The following XDH variants were observed in gnomAD, a reference collection of about 807,000 sequenced individuals.
XDH encodes xanthine dehydrogenase/oxidase.
Under a neutral mutation model 156.1 loss-of-function variants are expected in XDH, and 138 were observed. The observed-to-expected ratio is 0.88, with a 90% CI of 0.77 to 1.02. The LOEUF is 1.02. Among genes scored for constraint, XDH ranks in the 50% least tolerant of loss-of-function variants. The probability of loss-of-function intolerance (pLI) is 0.00; values close to 1 mark genes in which losing one functional copy is unlikely to be tolerated. For missense variants in XDH, 1,849 were observed against 1,684.9 expected (o/e 1.10, Z -1.71); for synonymous variants, 669 against 625.7 (o/e 1.07, Z -1.03).
rs376148012 is a variant in XDH at position 31,372,347 on chromosome 2, G to A, written c.1737C>T (p.Pro579=). 2 of 1,614,172 alleles carry A rather than the reference G, an allele frequency of 1.2e-6. No individual in the cohort carries two copies. The highest frequency in any genetic ancestry group is 8.5e-7 in the Non-Finnish European group (1 of 1,180,038). ...SEEDMVGRPL[P]HLAADMQASG... Reference sequence around the variant, plus strand: ...AGGCCTGCATGTCCGCTGCCAGGTGGGGCAGGGGCCGGCCCACCATGTCCT... The same window carrying A: ...AGGCCTGCATGTCCGCTGCCAGGTGAGGCAGGGGCCGGCCCACCATGTCCT... Residue 579 remains proline, a synonymous_variant, in exon 17 of 36, where the codon CCC becomes CCT. Coordinates refer to ENST00000379416, the MANE Select transcript of XDH (RefSeq NM_000379.4).
chr2:31,398,223 T>C (rs1686961858), intron 5 of XDH, among the ~76,000 whole-genome samples: 1 of 152,134 alleles, frequency 6.6e-6, no homozygotes. Flanking sequence ...TGGTGAAAAC[T>C]GAGAGGGAAG....
rs192906442 is a variant in XDH, at chr2:31,373,979, G to C, written c.1603-23C>G. The C allele has an allele frequency of 3.7e-6, 6 of 1,607,332 alleles. No homozygotes were observed. The Admixed American group carries it at 1.0e-4, about 27-fold the overall frequency. ...CTTCTGTGGAGACAAGAAAACAGAG[G>C]TGACCAGGATTATATTTCAATCACT... is the stretch of plus-strand genomic sequence containing the variant. On this transcript the variant is annotated intron_variant, in intron 15 of 35. Coordinates refer to ENST00000379416, the MANE Select transcript of XDH (RefSeq NM_000379.4).
chr2:31,352,449 A>C (rs11124259), intron 24 of XDH, among the ~76,000 whole-genome samples: 89,388 of 152,036 alleles, frequency 0.59, 28,423 homozygotes, highest in East Asian at 0.78. Flanking sequence ...AGTCTTACTC[A>C]TCCTAAATGA....
intron 1 of XDH, among the ~76,000 whole-genome samples, chr2:31,414,048 C>A (rs1297505638): frequency 6.6e-6 from 1 of 151,794 alleles, no homozygotes; most frequent in African/African-American, 2.4e-5. Context: ...GGGGGGAATG[C>A]AGGAGATGCC....
At chr2:31,355,928 A>C (rs964455204) in intron 24 of XDH, among the ~76,000 whole-genome samples, 1 of 152,214 alleles carries the variant, frequency 6.6e-6, no homozygotes, top group African/African-American at 2.4e-5. Context: ...GGATGGAAAA[A>C]GATATAACAT....
At chr2:31,353,093 A>G (rs770554658) in intron 24 of XDH, among the ~76,000 whole-genome samples, 3 of 152,066 alleles carry the variant, frequency 2.0e-5, no homozygotes, top group Non-Finnish European at 2.9e-5. Flanking sequence ...TTAAGATTTA[A>G]AAAACTGTAA....
intron 18 of XDH, among the ~76,000 whole-genome samples, chr2:31,369,385 G>A (rs1241889761): frequency 6.6e-6 from 1 of 152,134 alleles, no homozygotes; most frequent in African/African-American, 2.4e-5. Context: ...TTTCATAAAA[G>A]CTTAATGGAT....
At chr2:31,374,544 A>G (rs11894627) in intron 15 of XDH, among the ~76,000 whole-genome samples, 78,700 of 152,070 alleles carry the variant, frequency 0.52, 21,758 homozygotes, top group African/African-American at 0.72. Context: ...CAGGAAAAAA[A>G]ATCAGAGGAA....
intron 5 of XDH, 84 bp downstream of exon 5, chr2:31,398,489 T>C (rs1397171144): frequency 3.1e-6 from 5 of 1,605,448 alleles, no homozygotes; most frequent in Non-Finnish European, 4.3e-6. Flanking sequence ...TAGTCCCTCA[T>C]GCTTCTCACC....
chr2:31,374,724 A>G (rs770661920), intron 15 of XDH, among the ~76,000 whole-genome samples: 1 of 152,100 alleles, frequency 6.6e-6, no homozygotes, highest in Non-Finnish European at 1.5e-5. Context: ...TCCACACTCC[A>G]TCTCTGCAGT....
At chr2:31,363,848 AT>A (rs1685839919) in intron 24 of XDH, among the ~76,000 whole-genome samples, 1 of 152,038 alleles carries the variant, frequency 6.6e-6, no homozygotes, top group Non-Finnish European at 1.5e-5. Flanking sequence ...ATGTTACTGT[AT>A]ATATATATTA....
chr2:31,343,872 A>G (rs543835662), intron 31 of XDH, among the ~76,000 whole-genome samples: 39 of 147,978 alleles, frequency 2.6e-4, no homozygotes, highest in African/African-American at 8.5e-4. Context: ...AATGTTTCAT[A>G]CAAAGAAATG....
At position 31,347,535 on chromosome 2, in the gene XDH, C is replaced by T. The variant is rs201855759; in HGVS notation, c.3263G>A (p.Gly1088Glu). 130 of 1,613,878 alleles carry T rather than the reference C, an allele frequency of 8.1e-5. 1 individual carries two copies. The Middle Eastern group carries it at 1.8e-3, about 23-fold the overall frequency. The change falls in exon 29 of 36, where the codon GGA becomes GAA. Residue 1088 changes from glycine to glutamate, a missense_variant. Physicochemically the swap from Gly to Glu is moderately conservative, Grantham distance 98 (BLOSUM62 -2). Transcript: ENST00000379416. ...TGGGCTCCTTACATAGACGGCCTGTCCATTGAGGTCAGCGCTGACAGAGGC... is the reference window on the plus strand; with the variant it reads ...TGGGCTCCTTACATAGACGGCCTGTTCATTGAGGTCAGCGCTGACAGAGGC... ...TAASVSADLNGQAVYAACQTI... is the reference protein window; with the variant it reads ...TAASVSADLNEQAVYAACQTI...
At chr2:31,343,444 TTTATACATATATGCC>T (rs1417007268) in intron 31 of XDH, among the ~76,000 whole-genome samples, 3 of 135,050 alleles carry the variant, frequency 2.2e-5, no homozygotes, top group Non-Finnish European at 3.2e-5. Context: ...TGTATATATG[TTTATACATATATGCC>T]TTATACATAT....
At position 31,405,978 on chromosome 2, in the gene XDH, T is replaced by A; in HGVS notation, c.43-14A>T. ...TTTCTCCACCACCTATTAAAATAAA[T>A]GAAAGAAAAATATATCATAGGTATA... On this transcript the variant is annotated splice_polypyrimidine_tract_variant and intron_variant, in intron 1 of 35. Coordinates refer to ENST00000379416, the MANE Select transcript of XDH (RefSeq NM_000379.4). The A allele has an allele frequency of 6.2e-7, 1 of 1,613,890 alleles. No homozygotes were observed.
chr2:31,389,374 C>G (rs549061093), intron 6 of XDH, among the ~76,000 whole-genome samples: 1 of 152,324 alleles, frequency 6.6e-6, no homozygotes, highest in South Asian at 2.1e-4. Context: ...CGTGTGCAGA[C>G]TCTTCCTGCA....
At chr2:31,373,984 C>T (rs1686153587) in intron 15 of XDH, 28 bp from the exon 16 acceptor site, 1 of 1,601,298 alleles carries the variant, frequency 6.2e-7, no homozygotes, top group South Asian at 1.1e-5. Context: ...CAGAGGTGAC[C>T]AGGATTATAT....
chr2:31,398,072 G>C (rs1489736207), intron 5 of XDH, among the ~76,000 whole-genome samples: 1 of 152,188 alleles, frequency 6.6e-6, no homozygotes, highest in Non-Finnish European at 1.5e-5. Context: ...AGAGTAGAGG[G>C]TGTGTCTTTT....
At chr2:31,369,078 C>A (rs1686001765) in intron 18 of XDH, among the ~76,000 whole-genome samples, 1 of 152,184 alleles carries the variant, frequency 6.6e-6, no homozygotes, top group South Asian at 2.1e-4. Context: ...TCATGACTAA[C>A]CTTAGGCCCT....
Sources: allele counts gnomAD v4.1 joint callset (sites outside exome capture counted in the v4.1 genomes callset), GRCh38; gene constraint gnomAD v4.1.1; transcripts MANE v1.5; gene names NCBI Gene and HGNC (gene_info 2026-07-23, HGNC 2026-07-21).